ELOC: variants seen among roughly 807,000 people sequenced by gnomAD.
ELOC encodes the protein elongin-C.
For missense variants in ELOC, 38 were observed against 139.0 expected, an observed-to-expected ratio of 0.27 and a Z score of 3.65; for synonymous variants, 40 against 51.3, an observed-to-expected ratio of 0.78 and a Z score of 0.94.
chr8:73,965,708 A>T (rs980721718), intron 1 of ELOC, among the ~76,000 whole-genome samples: 6 of 152,314 alleles, frequency 3.9e-5, no homozygotes, highest in Middle Eastern at 3.4e-3. Context: ...CTAGAATTTT[A>T]AAAAAAGATA....
rs1354273641 is a variant in ELOC, at chr8:73,946,421, TCA to T, written c.*207_*208del. 6.6e-6 allele frequency: 3 copies of T among 451,292 alleles called. No homozygotes were observed. The highest frequency in any genetic ancestry group is 6.5e-5 in the East Asian group (2 of 30,612). The allele number at this position is 451,292 out of a possible 1,614,324, so 28.0% of individuals were successfully genotyped here. ...ACGAATTGGCATATTTGTTTATTTC[TCA>T]GTTTGTGAAAATGTCCTTAATTTGT... On this transcript the variant is annotated 3_prime_UTR_variant, in exon 4 of 4. Coordinates refer to ENST00000520242, the MANE Select transcript of ELOC (RefSeq NM_005648.4).
At chr8:73,966,590 A>C (rs1021327536) in intron 1 of ELOC, among the ~76,000 whole-genome samples, 2 of 150,356 alleles carry the variant, frequency 1.3e-5, no homozygotes, top group Admixed American at 6.7e-5. Flanking sequence ...AGCTCAAAGG[A>C]TTCTCCCACC....
chr8:73,965,446 T>A (rs1266985918), intron 1 of ELOC, among the ~76,000 whole-genome samples: 1 of 152,166 alleles, frequency 6.6e-6, no homozygotes, highest in Non-Finnish European at 1.5e-5. Flanking sequence ...AGCAGTACTA[T>A]TCACAAAAAG....
At chr8:73,947,146 G>A (rs1448397260) in intron 3 of ELOC, among the ~76,000 whole-genome samples, 9 of 152,004 alleles carry the variant, frequency 5.9e-5, no homozygotes, top group African/African-American at 2.2e-4. Flanking sequence ...GCAGCACCAC[G>A]ACCGGCTAAT....
rs758156273 is a variant in ELOC at position 73,955,720 on chromosome 8, G to A, written c.148+191C>T. The stretch of plus-strand genomic sequence containing the variant: ...GCGGAGATTGCAGTGAGCTGAGACC[G>A]CACCATTGCACTCCAGCCTGGGCAA... On this transcript the variant is annotated intron_variant, in intron 3 of 3. Coordinates refer to ENST00000520242, the MANE Select transcript of ELOC (RefSeq NM_005648.4). 608 of 634,224 alleles carry A rather than the reference G, an allele frequency of 9.6e-4. 11 individuals are homozygous for A. The highest frequency in any genetic ancestry group is 1.9e-4 in the Non-Finnish European group (68 of 365,156). The allele number at this position is 634,224 out of a possible 1,614,324, so 39.3% of individuals were successfully genotyped here. A position where few individuals can be genotyped will look rare whatever the true frequency, so the allele number is the denominator to read the frequency against.
intron 1 of ELOC, chr8:73,964,366 T>C (rs1452254992): frequency 6.6e-6 from 1 of 151,292 alleles, no homozygotes; most frequent in East Asian, 1.9e-4. Context: ...GCTGGAACAA[T>C]ATCCATATGG....
intron 3 of ELOC, among the ~76,000 whole-genome samples, chr8:73,950,943 C>T (rs909167335): frequency 6.6e-6 from 1 of 152,180 alleles, no homozygotes; most frequent in Non-Finnish European, 1.5e-5. Flanking sequence ...GCTTGAAATA[C>T]TCCAAAAAAG....
At chr8:73,954,843 C>T (rs1814042526) in intron 3 of ELOC, among the ~76,000 whole-genome samples, 1 of 150,576 alleles carries the variant, frequency 6.6e-6, no homozygotes, top group Admixed American at 6.6e-5. Flanking sequence ...ACCAGTCCGA[C>T]CAATATGGTG....
At chr8:73,965,036 CA>C (rs61081733) in intron 1 of ELOC, among the ~76,000 whole-genome samples, 57 of 81,432 alleles carry the variant, frequency 7.0e-4, no homozygotes, top group East Asian at 3.8e-3. Flanking sequence ...AAAAACAAAC[CA>C]AAAAAAAAAA....
At chr8:73,947,706 C>T (rs900114965) in intron 3 of ELOC, among the ~76,000 whole-genome samples, 3 of 151,964 alleles carry the variant, frequency 2.0e-5, no homozygotes, top group Non-Finnish European at 2.9e-5. Flanking sequence ...CCTCGAGTAG[C>T]TGGGACCACA....
At chr8:73,953,949 A>G (rs1444780974) in intron 3 of ELOC, among the ~76,000 whole-genome samples, 1 of 152,280 alleles carries the variant, frequency 6.6e-6, no homozygotes, top group African/African-American at 2.4e-5. Flanking sequence ...ATATTTATCA[A>G]CTGATGAATA....
intron 2 of ELOC, among the ~76,000 whole-genome samples, chr8:73,956,660 A>G (rs1196337601): frequency 2.6e-5 from 2 of 75,762 alleles, no homozygotes; most frequent in African/African-American, 2.4e-4. Flanking sequence ...TTGAAGACTA[A>G]GACAAATATT....
intron 1 of ELOC, among the ~76,000 whole-genome samples, chr8:73,971,343 G>A (rs1466345676): frequency 3.3e-5 from 5 of 152,200 alleles, no homozygotes; most frequent in African/African-American, 1.2e-4. Context: ...AGAGGTTGCA[G>A]CAAGCTGAAA....
intron 1 of ELOC, among the ~76,000 whole-genome samples, chr8:73,962,531 C>G (rs1248866167): frequency 6.6e-6 from 1 of 151,600 alleles, no homozygotes; most frequent in East Asian, 1.9e-4. Flanking sequence ...TTATTATTTT[C>G]TTTTCATTAT....
intron 2 of ELOC, among the ~76,000 whole-genome samples, chr8:73,959,175 C>T (rs1814419676): frequency 6.6e-6 from 1 of 152,106 alleles, no homozygotes; most frequent in African/African-American, 2.4e-5. Context: ...ATGTGAAGGC[C>T]TAATGCATTA....
At chr8:73,950,050 C>A (rs1037523034) in intron 3 of ELOC, among the ~76,000 whole-genome samples, 1 of 152,062 alleles carries the variant, frequency 6.6e-6, no homozygotes, top group Non-Finnish European at 1.5e-5. Context: ...ATCTTCAGCA[C>A]CCAGATTGGG....
At position 73,945,643 on chromosome 8, in the gene ELOC, A is replaced by C. The variant is rs1813336093; in HGVS notation, c.*987T>G. The C allele has an allele frequency of 6.6e-6, 1 of 152,216 alleles. No homozygotes were observed. Among genetic ancestry groups the C allele is most frequent in the African/African-American group, 2.4e-5 (1 of 41,474 alleles). 9.4% of individuals were successfully genotyped at this position (152,216 alleles called of 1,614,324 possible). On this transcript the variant is annotated 3_prime_UTR_variant, in exon 4 of 4. Coordinates refer to ENST00000520242, the MANE Select transcript of ELOC (RefSeq NM_005648.4). ...TAGAAGACCCACTGATTATGGGTATATTTATTGGGACATATTTTAATAGAA... is the reference window on the plus strand; with the variant it reads ...TAGAAGACCCACTGATTATGGGTATCTTTATTGGGACATATTTTAATAGAA...
chr8:73,961,625 C>T (rs1210930901), intron 1 of ELOC, among the ~76,000 whole-genome samples: 3 of 151,052 alleles, frequency 2.0e-5, no homozygotes, highest in African/African-American at 4.9e-5. Flanking sequence ...ATGATTTGCC[C>T]GCCTCAGCCT....
Position 73,955,893 on chromosome 8 carries a change from A to T in ELOC, c.148+18T>A. 6.3e-7 allele frequency: 1 copy of T among 1,590,352 alleles called. No individual in the cohort carries two copies. The highest frequency in any genetic ancestry group is 1.1e-5 in the South Asian group (1 of 88,182). On this transcript the variant is annotated intron_variant, in intron 3 of 3. Coordinates refer to ENST00000520242, the MANE Select transcript of ELOC (RefSeq NM_005648.4). ...ATTAAAAGTGAATATATGAAGAAAA[A>T]GACAGAACTGTGCTTACCTGGGCCA...
Sources: gnomAD v4.1 joint callset for allele counts (sites outside exome capture counted in the v4.1 genomes callset) on GRCh38, gnomAD v4.1.1 for gene constraint, MANE v1.5 for transcripts, NCBI Gene and HGNC (gene_info 2026-07-23, HGNC 2026-07-21) for gene names.